The following BUD13 variants were observed in gnomAD, a reference collection of about 807,000 sequenced individuals.
BUD13 encodes the protein BUD13 spliceosome associated protein.
Under a neutral mutation model 62.5 loss-of-function variants are expected in BUD13, and 47 were observed. That is an observed-to-expected ratio of 0.75 (90% CI 0.60 to 0.96). The LOEUF (loss-of-function observed/expected upper bound fraction) is 0.96. BUD13 is among the 40% of genes least tolerant of loss of function. The probability of loss-of-function intolerance (pLI) is 0.00; values close to 1 mark genes in which losing one functional copy is unlikely to be tolerated. For missense variants in BUD13, 821 were observed against 790.9 expected (o/e 1.04, Z -0.46); for synonymous variants, 293 against 280.1 (o/e 1.05, Z -0.46).
At chr11:116,772,246 T>C (rs1940643102) in intron 1 of BUD13, among the ~76,000 whole-genome samples, 1 of 152,228 alleles carries the variant, frequency 6.6e-6, no homozygotes, top group Admixed American at 6.5e-5. Context: ...GCCACAAAGT[T>C]GTCCCATATG....
At chr11:116,766,961 G>T (rs141740187) in intron 2 of BUD13, among the ~76,000 whole-genome samples, 5,680 of 152,060 alleles carry the variant, frequency 0.037, 171 homozygotes, top group East Asian at 0.13. Flanking sequence ...GCTGAGGCGG[G>T]TGGATTGCTT....
chr11:116,767,024 C>G (rs1337067596), intron 2 of BUD13, among the ~76,000 whole-genome samples: 1 of 151,160 alleles, frequency 6.6e-6, no homozygotes, highest in African/African-American at 2.4e-5. Context: ...CCCGTCTCTA[C>G]CAAAAACACA....
intron 4 of BUD13, 108 bp from the exon 5 acceptor site, chr11:116,761,060 C>T: frequency 1.1e-6 from 1 of 883,680 alleles, no homozygotes; most frequent in Non-Finnish European, 1.7e-6. Context: ...GAATTCCTTA[C>T]ATTATTATTA....
Position 116,758,393 on chromosome 11 carries a change from C to T in BUD13, c.1375G>A (p.Ala459Thr). Residue 459 changes from alanine (A) to threonine (T), a missense_variant, in exon 7 of 10, where the codon GCT (alanine) becomes ACT (threonine). Around this residue, in one of 2 missense-constraint regions of BUD13, gnomAD observed 800 missense variants for 739.2 expected, o/e 1.08. Coordinates refer to ENST00000260210, the MANE Select transcript of BUD13 (RefSeq NM_032725.4). ...GACTTATCTCGAAATACGGTTTCAG[C>T]ATATTGAAATTCAGCTGCAAAGGAA... ...TMAFEAEFQY[A>T]ETVFRDKSGR... 6.2e-7 allele frequency: 1 copy of T among 1,613,958 alleles called. No homozygotes were observed.
chr11:116,765,449 G>A lies in BUD13; in HGVS notation c.238-3C>T, dbSNP rs1940516245. 6.2e-7 allele frequency: 1 copy of A among 1,614,090 alleles called. No individual in the cohort carries two copies. Among genetic ancestry groups the A allele is most frequent in the Non-Finnish European group, 8.5e-7 (1 of 1,179,972 alleles). On this transcript the variant is annotated splice_region_variant and splice_polypyrimidine_tract_variant and intron_variant, in intron 2 of 9. Coordinates refer to ENST00000260210, the MANE Select transcript of BUD13 (RefSeq NM_032725.4). The stretch of plus-strand genomic sequence containing the variant: ...CGCTCATCCACAAACTCTGCCACCT[G>A]TGAGAGTAAAGATTTCCTATCTTAG...
chr11:116,756,070 T>C (rs1178661037), intron 9 of BUD13, among the ~76,000 whole-genome samples: 2 of 152,040 alleles, frequency 1.3e-5, no homozygotes, highest in Non-Finnish European at 2.9e-5. Flanking sequence ...TAGCTGGATA[T>C]GGTGACACAT....
intron 4 of BUD13, among the ~76,000 whole-genome samples, chr11:116,761,295 G>A (rs995953101): frequency 6.6e-6 from 1 of 152,056 alleles, no homozygotes. Flanking sequence ...GAGGTGATCT[G>A]CCCACCTCGG....
chr11:116,757,965 A>T lies in BUD13; in HGVS notation c.1500-15T>A. The T allele has an allele frequency of 6.2e-7, 1 of 1,612,716 alleles. No homozygotes were observed. Among genetic ancestry groups the T allele is most frequent in the Non-Finnish European group, 8.5e-7 (1 of 1,179,790 alleles). On this transcript the variant is annotated splice_polypyrimidine_tract_variant and intron_variant, in intron 7 of 9. Transcript: ENST00000260210. ...TCTGGGCAAGCCTGGGCAAAAAGGA[A>T]CCAAGAGTGTTTGCTATCCTGTATG...
At chr11:116,765,582 G>C (rs896825708) in intron 2 of BUD13, 136 bp from the exon 3 acceptor site, 5 of 767,114 alleles carry the variant, frequency 6.5e-6, no homozygotes, top group Non-Finnish European at 1.1e-5. Flanking sequence ...TCATGAAGAA[G>C]TAAGTAGGGG....
rs1940661502 is a variant in BUD13, at chr11:116,772,982, A to G, written c.-18T>C. The stretch of plus-strand genomic sequence containing the variant: ...GCCGCCATGGCAGCGGCGGGGGCAG[A>G]GAGACGGGTCGGCGCTGGGGACAAA... On this transcript the variant is annotated 5_prime_UTR_variant, in exon 1 of 10. Transcript: ENST00000260210. 3 of 1,523,870 alleles carry G rather than the reference A, an allele frequency of 2.0e-6. No homozygotes were observed. Among genetic ancestry groups the G allele is most frequent in the East Asian group, 2.6e-5 (1 of 38,146 alleles). 94.4% of individuals were successfully genotyped at this position (1,523,870 alleles called of 1,614,324 possible). A position where few individuals can be genotyped will look rare whatever the true frequency, so the allele number is the denominator to read the frequency against.
chr11:116,755,394 T>G (rs1393798634), intron 9 of BUD13, among the ~76,000 whole-genome samples: 1 of 152,172 alleles, frequency 6.6e-6, no homozygotes, highest in African/African-American at 2.4e-5. Context: ...CAAACCAATA[T>G]TTTACAAATG....
chr11:116,770,099 CA>C, intron 2 of BUD13, 29 bp downstream of exon 2: 1 of 1,409,192 alleles, frequency 7.1e-7, no homozygotes, highest in Non-Finnish European at 9.8e-7. Context: ...TGCTTCATTT[CA>C]AAATCCTGAC....
At chr11:116,751,029 A>G (rs1258291164) in intron 9 of BUD13, among the ~76,000 whole-genome samples, 1 of 152,202 alleles carries the variant, frequency 6.6e-6, no homozygotes, top group Non-Finnish European at 1.5e-5. Flanking sequence ...AACATCCCTT[A>G]AAACTCAGCT....
Position 116,758,374 on chromosome 11 carries a change from T to A in BUD13, c.1394A>T (p.Asp465Val). Residue 465 changes from aspartate (D) to valine (V), a missense_variant, in exon 7 of 10, where the codon GAT becomes GTT. Around this residue, in one of 2 missense-constraint regions of BUD13, gnomAD observed 800 missense variants for 739.2 expected, o/e 1.08. Coordinates refer to ENST00000260210, the MANE Select transcript of BUD13 (RefSeq NM_032725.4). ...CAAATTCCTCTTACGACCAGACTTA[T>A]CTCGAAATACGGTTTCAGCATATTG... ...EFQYAETVFR[D>V]KSGRKRNLKL... is the part of the protein sequence containing the mutation. 1 of 1,614,150 alleles carries A rather than the reference T, an allele frequency of 6.2e-7. No individual in the cohort carries two copies. The highest frequency in any genetic ancestry group is 8.5e-7 in the Non-Finnish European group (1 of 1,180,036).
intron 5 of BUD13, 34 bp downstream of exon 5, chr11:116,760,701 C>A (rs370077873): frequency 6.2e-7 from 1 of 1,603,016 alleles, no homozygotes; most frequent in South Asian, 1.1e-5. Context: ...AAGAGTCACA[C>A]GAAAAGAAGG....
rs545155282 is a variant in BUD13, at chr11:116,749,952, A to G, written c.1767-1377T>C. Reference sequence around the variant, plus strand: ...GAGGAGGCAAGTTAGAGAGCACAAGAGTAGGAGCAGGCTTACAGTAGAAGC... The same window carrying G: ...GAGGAGGCAAGTTAGAGAGCACAAGGGTAGGAGCAGGCTTACAGTAGAAGC... On this transcript the variant is annotated intron_variant, in intron 9 of 9. Transcript: ENST00000260210. 2.0e-4 allele frequency among the ~76,000 whole-genome samples: 30 copies of G among 152,352 alleles called. No homozygotes were observed. In the South Asian group the frequency reaches 4.1e-3, roughly 21 times the overall value.
chr11:116,763,322 C>A (rs982873908), intron 3 of BUD13, 56 bp from the exon 4 acceptor site: 1 of 1,450,236 alleles, frequency 6.9e-7, no homozygotes, highest in Non-Finnish European at 9.3e-7. Context: ...CCTCTGTCCA[C>A]CCCCACACCC....
chr11:116,763,509 T>C (rs1209976264), intron 3 of BUD13, among the ~76,000 whole-genome samples: 19 of 152,136 alleles, frequency 1.2e-4, no homozygotes, highest in Admixed American at 1.2e-3. Flanking sequence ...TTTCATATTA[T>C]ACCCTTTAAG....
At chr11:116,757,613 A>G (rs1940352446) in intron 8 of BUD13, among the ~76,000 whole-genome samples, 153 bp downstream of exon 8, 1 of 152,180 alleles carries the variant, frequency 6.6e-6, no homozygotes, top group Non-Finnish European at 1.5e-5. Flanking sequence ...AAAAATTTTT[A>G]TATAGAAAGA....
Sources: gnomAD v4.1 joint callset for allele counts (sites outside exome capture counted in the v4.1 genomes callset) on GRCh38, gnomAD v4.1.1 for gene constraint, gnomAD v4.1.1 regional missense constraint, MANE v1.5 for transcripts, NCBI Gene and HGNC (gene_info 2026-07-23, HGNC 2026-07-21) for gene names.